Variants in SLC4A4 observed in about 807,000 individuals in gnomAD.
SLC4A4 encodes the protein solute carrier family 4 member 4.
In SLC4A4, 27 loss-of-function variants were observed where a neutral mutation model predicts 111.5. The ratio of observed to expected loss-of-function variants is 0.24; its 90% CI spans 0.18 to 0.33. The LOEUF (loss-of-function observed/expected upper bound fraction) is 0.33. SLC4A4 is among the 10% of genes least tolerant of loss of function. The pLI is 1.00. For missense variants in SLC4A4, 909 were observed against 1,315.5 expected (o/e 0.69, Z 4.78); for synonymous variants, 443 against 463.4 (o/e 0.96, Z 0.57).
At chr4:71,455,903 C>CT in intron 12 of SLC4A4, among the ~76,000 whole-genome samples, 1 of 152,208 alleles carries the variant, frequency 6.6e-6, no homozygotes, top group South Asian at 2.1e-4. Flanking sequence ...GTAGAGCACT[C>CT]TATTATGTAA....
At chr4:71,421,055 G>A (rs1472591315) in intron 7 of SLC4A4, among the ~76,000 whole-genome samples, 3 of 148,240 alleles carry the variant, frequency 2.0e-5, no homozygotes, top group Non-Finnish European at 4.5e-5. Flanking sequence ...TGGATAAAGA[G>A]TCAAGACCCA....
At chr4:71,267,771 A>ATGACAGAG (rs1167964942) in intron 3 of SLC4A4, among the ~76,000 whole-genome samples, 1 of 119,318 alleles carries the variant, frequency 8.4e-6, no homozygotes, top group African/African-American at 3.0e-5. Context: ...TCCAGCCTGG[A>ATGACAGAG]TGACAGAGTG....
intron 1 of SLC4A4, among the ~76,000 whole-genome samples, chr4:71,194,857 T>G (rs192960239): frequency 1.3e-5 from 2 of 152,178 alleles, no homozygotes; most frequent in Admixed American, 1.3e-4. Flanking sequence ...TAGTACCTTT[T>G]CAGCTTAATA....
At chr4:71,361,700 A>G (rs548425170) in intron 6 of SLC4A4, among the ~76,000 whole-genome samples, 8 of 152,354 alleles carry the variant, frequency 5.3e-5, no homozygotes, top group African/African-American at 1.4e-4. Flanking sequence ...ATATGATTCT[A>G]CCTAATAATT....
intron 2 of SLC4A4, among the ~76,000 whole-genome samples, chr4:71,180,790 C>G (rs1418202333): frequency 6.6e-6 from 1 of 152,072 alleles, no homozygotes; most frequent in East Asian, 1.9e-4. Context: ...GTCAGTGTGG[C>G]GATTCCTCAG....
Position 71,229,692 on chromosome 4 carries a change from C to T in SLC4A4, c.-1-6884C>T, listed in dbSNP as rs77318963. Among the ~76,000 whole-genome samples the T allele has an allele frequency of 5.3e-3, 802 of 152,146 alleles. 5 individuals carry two copies. The highest frequency in any genetic ancestry group is 0.018 in the African/African-American group (730 of 41,470). ...GTCATGCTTGTCAGTTTTGCCGCAC[C>T]GATGTCCCTTTCCCCCAGTATGGAT... On this transcript the variant is annotated intron_variant, in intron 1 of 25. Transcript: ENST00000264485.
chr4:71,484,594 G>A (rs555371912), intron 14 of SLC4A4, among the ~76,000 whole-genome samples: 1 of 151,596 alleles, frequency 6.6e-6, no homozygotes, highest in Non-Finnish European at 1.5e-5. Context: ...TTTGAAGTTG[G>A]GTAACATGAT....
intron 2 of SLC4A4, among the ~76,000 whole-genome samples, chr4:71,121,390 C>T (rs545594013): frequency 8.9e-4 from 135 of 152,338 alleles, no homozygotes; most frequent in African/African-American, 1.9e-3. Flanking sequence ...CAGCTCCGCC[C>T]GCGGCCCTGG....
intron 2 of SLC4A4, among the ~76,000 whole-genome samples, chr4:71,179,768 C>T (rs1227358950): frequency 1.3e-5 from 2 of 152,264 alleles, no homozygotes; most frequent in South Asian, 2.1e-4. Flanking sequence ...TGAAAATGGC[C>T]ATGCTGCCCA....
At chr4:71,250,178 A>G (rs769390825) in intron 2 of SLC4A4, among the ~76,000 whole-genome samples, 35 of 152,038 alleles carry the variant, frequency 2.3e-4, no homozygotes, top group Non-Finnish European at 4.0e-4. Context: ...TGTTCTACCT[A>G]CATTCCTCTT....
At chr4:71,432,070 G>A (rs1483395677) in intron 7 of SLC4A4, among the ~76,000 whole-genome samples, 1 of 152,144 alleles carries the variant, frequency 6.6e-6, no homozygotes, top group African/African-American at 2.4e-5. Flanking sequence ...GAGCACTTAT[G>A]AAGTTCCCAA....
chr4:71,100,297 C>T (rs114242648), intron 2 of SLC4A4, among the ~76,000 whole-genome samples: 1 of 151,746 alleles, frequency 6.6e-6, no homozygotes, highest in Non-Finnish European at 1.5e-5. Flanking sequence ...ATTGGGTCAA[C>T]ATACACAAAT....
intron 3 of SLC4A4, among the ~76,000 whole-genome samples, chr4:71,262,813 A>G (rs867898961): frequency 8.0e-5 from 12 of 149,542 alleles, no homozygotes; most frequent in Non-Finnish European, 1.0e-4. Context: ...CCCGGGTGTC[A>G]TTTCTTTGGG....
intron 3 of SLC4A4, among the ~76,000 whole-genome samples, chr4:71,336,680 A>C (rs1239664285): frequency 6.6e-6 from 1 of 151,640 alleles, no homozygotes; most frequent in Non-Finnish European, 1.5e-5. Context: ...GTCTCCTAAA[A>C]CTCCTTGAAT....
At chr4:71,239,043 G>A (rs977785938) in intron 2 of SLC4A4, among the ~76,000 whole-genome samples, 4 of 152,126 alleles carry the variant, frequency 2.6e-5, no homozygotes, top group Admixed American at 6.6e-5. Flanking sequence ...GAGTGTATCT[G>A]AAGAAAAGCA....
chr4:71,415,253 T>C (rs1560486376), intron 7 of SLC4A4, among the ~76,000 whole-genome samples: 1 of 152,230 alleles, frequency 6.6e-6, no homozygotes. Context: ...GTTCAGATGA[T>C]TGTATATCTG....
intron 2 of SLC4A4, among the ~76,000 whole-genome samples, chr4:71,094,713 A>G (rs1742490977): frequency 6.6e-6 from 1 of 152,040 alleles, no homozygotes; most frequent in African/African-American, 2.4e-5. Flanking sequence ...AAAATATACC[A>G]TTTCACACTT....
intron 2 of SLC4A4, among the ~76,000 whole-genome samples, chr4:71,162,005 T>C (rs1028230514): frequency 6.6e-6 from 1 of 152,158 alleles, no homozygotes; most frequent in African/African-American, 2.4e-5. Context: ...TAGGAAATAA[T>C]GAGTTTAATA....
At chr4:71,247,753 T>C (rs1483501469) in intron 2 of SLC4A4, among the ~76,000 whole-genome samples, 3 of 152,184 alleles carry the variant, frequency 2.0e-5, no homozygotes, top group Non-Finnish European at 4.4e-5. Flanking sequence ...GCATGTGTAC[T>C]GCATATTACA....
Sources: gnomAD v4.1 joint callset for allele counts (sites outside exome capture counted in the v4.1 genomes callset) on GRCh38, gnomAD v4.1.1 for gene constraint, MANE v1.5 for transcripts, NCBI Gene and HGNC (gene_info 2026-07-23, HGNC 2026-07-21) for gene names.